The following KCTD8 variants were observed in gnomAD, a reference collection of about 807,000 sequenced individuals.
The protein encoded by KCTD8 is BTB/POZ domain-containing protein KCTD8.
KCTD8 carries 27 observed loss-of-function variants against 31.5 expected under a neutral mutation model. That is an observed-to-expected ratio of 0.86 (90% CI 0.63 to 1.18). The LOEUF (loss-of-function observed/expected upper bound fraction) is 1.18. Among genes scored for constraint, KCTD8 ranks in the 50% most tolerant of loss-of-function variants. The pLI is 0.00. For missense variants in KCTD8, 658 were observed against 647.7 expected (o/e 1.02, Z -0.17); for synonymous variants, 290 against 280.0 (o/e 1.04, Z -0.36).
chr4:44,264,383 A>G (rs1414974538), intron 1 of KCTD8, among the ~76,000 whole-genome samples: 1 of 152,162 alleles, frequency 6.6e-6, no homozygotes, highest in African/African-American at 2.4e-5. Flanking sequence ...GTATTTTCTT[A>G]TTTGTTTCAC....
At chr4:44,259,814 T>C (rs950791345) in intron 1 of KCTD8, among the ~76,000 whole-genome samples, 4 of 151,964 alleles carry the variant, frequency 2.6e-5, no homozygotes, top group African/African-American at 9.7e-5. Flanking sequence ...AGGCAAATTG[T>C]TCTTTATGCA....
intron 1 of KCTD8, among the ~76,000 whole-genome samples, chr4:44,329,546 T>C (rs1029738315): frequency 3.9e-5 from 6 of 152,092 alleles, no homozygotes; most frequent in African/African-American, 1.4e-4. Context: ...AAGCTGTATA[T>C]AAACTGTAAA....
At chr4:44,446,865 C>T (rs572321060) in intron 1 of KCTD8, among the ~76,000 whole-genome samples, 9 of 152,232 alleles carry the variant, frequency 5.9e-5, no homozygotes, top group Admixed American at 4.6e-4. Context: ...CTAATTCCTT[C>T]CACCCTCCCC....
intron 1 of KCTD8, among the ~76,000 whole-genome samples, chr4:44,292,717 GAA>G: frequency 6.6e-6 from 1 of 151,950 alleles, no homozygotes; most frequent in African/African-American, 2.4e-5. Flanking sequence ...TATGTTGAGG[GAA>G]AAAAGTCTAG....
chr4:44,228,247 T>A (rs1715020153), intron 1 of KCTD8, among the ~76,000 whole-genome samples: 1 of 152,176 alleles, frequency 6.6e-6, no homozygotes, highest in African/African-American at 2.4e-5. Flanking sequence ...TTCTGAGGCT[T>A]CTCTCCTTGG....
chr4:44,320,198 A>AAG (rs1318727240), intron 1 of KCTD8, among the ~76,000 whole-genome samples: 49 of 145,606 alleles, frequency 3.4e-4, no homozygotes, highest in Middle Eastern at 3.6e-3. Flanking sequence ...AAAAAAAAAA[A>AAG]AGAGAGAGAG....
intron 1 of KCTD8, among the ~76,000 whole-genome samples, chr4:44,407,397 T>C (rs995939995): frequency 4.6e-5 from 7 of 151,580 alleles, no homozygotes; most frequent in African/African-American, 1.7e-4. Flanking sequence ...TTCTTTTTTT[T>C]TTTTTTGGAG....
intron 1 of KCTD8, among the ~76,000 whole-genome samples, chr4:44,308,757 A>G (rs1327362670): frequency 2.0e-5 from 3 of 152,118 alleles, no homozygotes; most frequent in Non-Finnish European, 2.9e-5. Context: ...TAATATACTA[A>G]TCAATAACAA....
intron 1 of KCTD8, among the ~76,000 whole-genome samples, chr4:44,281,611 G>C (rs529206530): frequency 6.6e-6 from 1 of 152,042 alleles, no homozygotes; most frequent in African/African-American, 2.4e-5. Flanking sequence ...TACTGTTGCC[G>C]TTCCAACCAT....
chr4:44,425,511 G>A (rs1721323699), intron 1 of KCTD8, among the ~76,000 whole-genome samples: 1 of 152,016 alleles, frequency 6.6e-6, no homozygotes, highest in Admixed American at 6.6e-5. Context: ...CGAGTTCCAA[G>A]AGGCAGATGT....
intron 1 of KCTD8, among the ~76,000 whole-genome samples, chr4:44,197,968 T>A (rs1046256669): frequency 6.6e-6 from 1 of 152,118 alleles, no homozygotes. Flanking sequence ...TAAACTGAAC[T>A]TCTGGAATTG....
At chr4:44,181,975 G>C (rs537759667) in intron 1 of KCTD8, among the ~76,000 whole-genome samples, 2 of 151,820 alleles carry the variant, frequency 1.3e-5, no homozygotes, top group Non-Finnish European at 2.9e-5. Flanking sequence ...CCCTCCGCCC[G>C]GCAGCCGCCC....
chr4:44,189,548 A>C (rs923305322), intron 1 of KCTD8, among the ~76,000 whole-genome samples: 3 of 152,066 alleles, frequency 2.0e-5, no homozygotes, highest in Non-Finnish European at 4.4e-5. Flanking sequence ...CGAGGTTAAT[A>C]GGGATAGCCA....
intron 1 of KCTD8, among the ~76,000 whole-genome samples, chr4:44,239,415 T>A (rs1188238918): frequency 1.3e-5 from 2 of 152,168 alleles, no homozygotes; most frequent in African/African-American, 4.8e-5. Flanking sequence ...GGTAGTAACA[T>A]GAAGATAATA....
intron 1 of KCTD8, among the ~76,000 whole-genome samples, chr4:44,255,770 T>C (rs1384154254): frequency 6.6e-6 from 1 of 151,952 alleles, no homozygotes; most frequent in Non-Finnish European, 1.5e-5. Context: ...GTAAACATAA[T>C]AGAAGAATAA....
chr4:44,406,589 C>T (rs1720801583), intron 1 of KCTD8, among the ~76,000 whole-genome samples: 1 of 152,140 alleles, frequency 6.6e-6, no homozygotes, highest in South Asian at 2.1e-4. Context: ...TTTTTCTTCC[C>T]AGTCTCAGGT....
At chr4:44,404,068 T>C (rs1005792211) in intron 1 of KCTD8, among the ~76,000 whole-genome samples, 2 of 152,134 alleles carry the variant, frequency 1.3e-5, no homozygotes, top group Non-Finnish European at 2.9e-5. Flanking sequence ...ACCCAACCCA[T>C]TTCTTAGATT....
intron 1 of KCTD8, among the ~76,000 whole-genome samples, chr4:44,180,589 A>G (rs1260410089): frequency 1.5e-4 from 15 of 97,052 alleles, no homozygotes; most frequent in African/African-American, 3.9e-4. Context: ...ACATACATGC[A>G]CACACACACA....
chr4:44,181,680 A>G (rs1713410526), intron 1 of KCTD8, among the ~76,000 whole-genome samples: 2 of 151,776 alleles, frequency 1.3e-5, no homozygotes, highest in Admixed American at 1.3e-4. Flanking sequence ...CCGTCTGGGA[A>G]GTGAGGACCC....
Sources: gnomAD v4.1 joint callset for allele counts (sites outside exome capture counted in the v4.1 genomes callset) on GRCh38, gnomAD v4.1.1 for gene constraint, MANE v1.5 for transcripts, NCBI Gene and HGNC (gene_info 2026-07-23, HGNC 2026-07-21) for gene names.